The following CCDC146 variants were observed in gnomAD, a reference collection of about 807,000 sequenced individuals.
CCDC146 encodes the protein coiled-coil domain containing 146.
Under a neutral mutation model 119.3 loss-of-function variants are expected in CCDC146, and 92 were observed. The observed-to-expected ratio is 0.77, with a 90% CI of 0.65 to 0.92. The LOEUF (loss-of-function observed/expected upper bound fraction) is 0.92. Ranked by LOEUF, CCDC146 falls within the 40% of genes least tolerant of loss-of-function variation. The probability of loss-of-function intolerance (pLI) is 0.00; values close to 1 mark genes in which losing one functional copy is unlikely to be tolerated. For synonymous variants in CCDC146, 372 were observed against 371.8 expected, an observed-to-expected ratio of 1.00 and a Z score of -0.01; for missense variants, 1,000 against 1,103.0, an observed-to-expected ratio of 0.91 and a Z score of 1.32.
At chr7:77,125,781 G>A (rs1197423362) in intron 1 of CCDC146, among the ~76,000 whole-genome samples, 1 of 152,062 alleles carries the variant, frequency 6.6e-6, no homozygotes, top group South Asian at 2.1e-4. Flanking sequence ...TATTTAAAAA[G>A]AGATATATCT....
intron 17 of CCDC146, 103 bp from the exon 18 acceptor site, chr7:77,292,849 T>C: frequency 8.0e-7 from 1 of 1,251,126 alleles, no homozygotes; most frequent in Non-Finnish European, 1.1e-6. Flanking sequence ...CCTCCTTCCT[T>C]CAGACAAAAA....
intron 1 of CCDC146, among the ~76,000 whole-genome samples, chr7:77,134,899 T>A (rs1790840074): frequency 6.6e-6 from 1 of 152,170 alleles, no homozygotes; most frequent in Admixed American, 6.5e-5. Context: ...ATTCATAAAG[T>A]ATGTGATAAT....
intron 2 of CCDC146, among the ~76,000 whole-genome samples, chr7:77,213,664 A>G (rs1792246250): frequency 6.6e-6 from 1 of 151,990 alleles, no homozygotes; most frequent in South Asian, 2.1e-4. Context: ...TATTGTTTCC[A>G]TCTTTATGTC....
chr7:77,151,353 A>T (rs1309231461), intron 1 of CCDC146, among the ~76,000 whole-genome samples: 1 of 152,050 alleles, frequency 6.6e-6, no homozygotes, highest in African/African-American at 2.4e-5. Flanking sequence ...AGGCAAAACT[A>T]CTGGTGGTTA....
In CCDC146 at chr7:77,259,998, A is replaced by G. The variant is rs754695207; in HGVS notation, c.759-11A>G. On this transcript the variant is annotated splice_polypyrimidine_tract_variant and intron_variant, in intron 7 of 18. Coordinates refer to ENST00000285871, the MANE Select transcript of CCDC146 (RefSeq NM_020879.3). ...TGTGTGTGTGTGTGTGTGTGTGTGT[A>G]TCCCCTACAGAGAAATGGAAAAGAA... 5.6e-6 allele frequency: 5 copies of G among 897,256 alleles called. No individual in the cohort carries two copies. The highest frequency in any genetic ancestry group is 1.9e-5 in the African/African-American group (1 of 53,268). The allele number at this position is 897,256 out of a possible 1,614,324, so 55.6% of individuals were successfully genotyped here. A position where few individuals can be genotyped will look rare whatever the true frequency, so the allele number is the denominator to read the frequency against.
chr7:77,235,887 T>G lies in CCDC146; in HGVS notation c.157-1060T>G, dbSNP rs541460372. ...GAGTTCAAGACCAGCCTGGCTAACA[T>G]GGTGAACCCCCATCCCTACTAAAAA... On this transcript the variant is annotated intron_variant, in intron 2 of 18. Coordinates refer to ENST00000285871, the MANE Select transcript of CCDC146 (RefSeq NM_020879.3). Among the ~76,000 whole-genome samples, 3 of 152,168 alleles carry G rather than the reference T, an allele frequency of 2.0e-5. No individual in the cohort carries two copies. In the East Asian group the frequency reaches 5.8e-4, roughly 29 times the overall value.
chr7:77,161,920 T>C (rs561813377), intron 1 of CCDC146, among the ~76,000 whole-genome samples: 1 of 152,362 alleles, frequency 6.6e-6, no homozygotes, highest in Admixed American at 6.5e-5. Flanking sequence ...GACCTTTTTA[T>C]GTACTTGTTG....
chr7:77,223,111 G>A (rs1362154618), intron 2 of CCDC146, among the ~76,000 whole-genome samples: 2 of 152,068 alleles, frequency 1.3e-5, no homozygotes, highest in Non-Finnish European at 2.9e-5. Context: ...CCTGCCTCTC[G>A]GGCTCACAGC....
intron 1 of CCDC146, among the ~76,000 whole-genome samples, chr7:77,149,269 AG>A (rs201902943): frequency 0.011 from 1,665 of 152,332 alleles, 23 homozygotes; most frequent in African/African-American, 0.038. Context: ...AAAACTGGCT[AG>A]CCATATGCAG....
chr7:77,261,521 A>C (rs1793297183), intron 8 of CCDC146, among the ~76,000 whole-genome samples: 1 of 152,022 alleles, frequency 6.6e-6, no homozygotes, highest in Non-Finnish European at 1.5e-5. Context: ...CCCAGGCCGG[A>C]CTGCGGACTG....
intron 6 of CCDC146, among the ~76,000 whole-genome samples, chr7:77,258,472 G>A (rs959835276): frequency 1.2e-4 from 19 of 152,084 alleles, no homozygotes; most frequent in South Asian, 1.2e-3. Flanking sequence ...CAACCATTCC[G>A]TTTTTCATTT....
At chr7:77,267,280 A>C (rs1258683034) in intron 9 of CCDC146, among the ~76,000 whole-genome samples, 1 of 152,136 alleles carries the variant, frequency 6.6e-6, no homozygotes, top group East Asian at 1.9e-4. Context: ...GGTGTGAGCC[A>C]TCGCGCCTGG....
chr7:77,212,977 G>T (rs757126151), intron 2 of CCDC146, among the ~76,000 whole-genome samples: 26 of 137,482 alleles, frequency 1.9e-4, no homozygotes, highest in Non-Finnish European at 3.4e-4. Context: ...TTTTGCCAAG[G>T]CTACTTTCTA....
intron 1 of CCDC146, among the ~76,000 whole-genome samples, chr7:77,163,320 C>T (rs71555972): frequency 7.9e-5 from 12 of 152,054 alleles, no homozygotes; most frequent in African/African-American, 2.4e-4. Flanking sequence ...TGGTGGCACA[C>T]GCTTGTAATC....
At chr7:77,132,969 CAAG>C (rs2117397592) in intron 1 of CCDC146, among the ~76,000 whole-genome samples, 1 of 151,982 alleles carries the variant, frequency 6.6e-6, no homozygotes, top group South Asian at 2.1e-4. Context: ...GTCAGGAGTT[CAAG>C]ACCAGTCTGG....
chr7:77,231,755 T>C lies in CCDC146; in HGVS notation c.157-5192T>C, dbSNP rs564421174. Among the ~76,000 whole-genome samples the C allele has an allele frequency of 3.3e-5, 5 of 152,220 alleles. No homozygotes were observed. The South Asian group carries it at 8.3e-4, about 25-fold the overall frequency. ...TTCAAACATATTTATAATATTTTCT[T>C]TGAAGTCTTTGTTAAATCTAACGTC... On this transcript the variant is annotated intron_variant, in intron 2 of 18. Coordinates refer to ENST00000285871, the MANE Select transcript of CCDC146 (RefSeq NM_020879.3).
At chr7:77,203,961 G>A (rs553049095) in intron 2 of CCDC146, among the ~76,000 whole-genome samples, 1 of 151,912 alleles carries the variant, frequency 6.6e-6, no homozygotes, top group South Asian at 2.1e-4. Context: ...TTTAAGAGAA[G>A]ATCTGCATTT....
intron 2 of CCDC146, among the ~76,000 whole-genome samples, chr7:77,216,119 T>C (rs776692271): frequency 3.2e-4 from 48 of 152,286 alleles, no homozygotes; most frequent in Non-Finnish European, 5.7e-4. Flanking sequence ...GGAAGATTTG[T>C]GCTTTTGTTA....
At chr7:77,148,211 T>C (rs1033098540) in intron 1 of CCDC146, among the ~76,000 whole-genome samples, 67 of 152,332 alleles carry the variant, frequency 4.4e-4, no homozygotes, top group African/African-American at 1.4e-3. Context: ...CTCTGAGCCA[T>C]GCGTGGGATA....
Sources: allele counts gnomAD v4.1 joint callset (sites outside exome capture counted in the v4.1 genomes callset), GRCh38; gene constraint gnomAD v4.1.1; transcripts MANE v1.5; gene names NCBI Gene and HGNC (gene_info 2026-07-23, HGNC 2026-07-21).